SYNE1: variants seen among roughly 807,000 people sequenced by gnomAD.
SYNE1 encodes the protein nesprin-1.
SYNE1 carries 616 observed loss-of-function variants against 1,111.0 expected under a neutral mutation model. The ratio of observed to expected loss-of-function variants is 0.55; its 90% confidence interval spans 0.52 to 0.59. The LOEUF (loss-of-function observed/expected upper bound fraction) is 0.59, where lower values mean the gene tolerates loss of function less well. Ranked by LOEUF, SYNE1 falls within the 20% of genes least tolerant of loss-of-function variation. The pLI is 0.00. For synonymous variants in SYNE1, 3,855 were observed against 3,825.8 expected, an observed-to-expected ratio of 1.01 and a Z score of -0.28; for missense variants, 10,006 against 10,417.0, an observed-to-expected ratio of 0.96 and a Z score of 1.72.
At position 152,284,027 on chromosome 6, in the gene SYNE1, C is replaced by T. The variant is rs796135915; in HGVS notation, c.18158G>A (p.Arg6053Gln). The T allele has an allele frequency of 6.2e-6, 10 of 1,614,218 alleles. No individual in the cohort carries two copies. In the East Asian group the frequency reaches 6.7e-5, roughly 11 times the overall value. The change falls in exon 96 of 146, where the codon CGA (arginine) becomes CAA (glutamine). Residue 6053 changes from arginine to glutamine, a missense_variant. This residue lies in a region of SYNE1 where 99 missense variants were observed against 147.8 expected (regional missense o/e 0.67). Transcript: ENST00000367255. ...GGCTTTCATCCTGATGGTGGACATT[C>T]GCTCGGCTAAGACAGTGAGCGTGGA... is the stretch of plus-strand genomic sequence containing the variant. Reference protein sequence around the residue: ...LQSTLTVLAERMSTIRMKASG... With the variant: ...LQSTLTVLAEQMSTIRMKASG...
intron 55 of SYNE1, among the ~76,000 whole-genome samples, chr6:152,382,723 T>C (rs1335470511): frequency 6.6e-6 from 1 of 152,200 alleles, no homozygotes; most frequent in Admixed American, 6.5e-5. Flanking sequence ...CTTGTAATTA[T>C]TTTGCCTTTG....
chr6:152,584,251 G>GGAGA (rs373173920), intron 3 of SYNE1, among the ~76,000 whole-genome samples: 168 of 150,464 alleles, frequency 1.1e-3, no homozygotes, highest in African/African-American at 3.9e-3. Flanking sequence ...CAATAAATAT[G>GGAGA]GAGAGAGAGA....
At chr6:152,619,421 G>A (rs945346319) in intron 3 of SYNE1, among the ~76,000 whole-genome samples, 2 of 152,132 alleles carry the variant, frequency 1.3e-5, no homozygotes, top group African/African-American at 4.8e-5. Flanking sequence ...TACTTTTGGG[G>A]AGGGTTCCAT....
intron 58 of SYNE1, among the ~76,000 whole-genome samples, chr6:152,375,324 T>G (rs2097261116): frequency 1.3e-5 from 2 of 152,152 alleles, no homozygotes; most frequent in South Asian, 4.1e-4. Context: ...TTTAAAAAGG[T>G]GAACTACATA....
intron 49 of SYNE1, 112 bp downstream of exon 49, chr6:152,398,507 G>A (rs1056996039): frequency 2.3e-6 from 2 of 857,134 alleles, no homozygotes; most frequent in African/African-American, 3.3e-5. Flanking sequence ...TTCTGTTAGG[G>A]ACGAGGAAAA....
At chr6:152,213,463 C>T (rs2077931199) in intron 123 of SYNE1, 149 bp downstream of exon 123, 1 of 897,736 alleles carries the variant, frequency 1.1e-6, no homozygotes, top group African/African-American at 1.7e-5. Context: ...GTTATCAAAA[C>T]CTCAAGCTTA....
At chr6:152,338,618 A>G (rs2096460385) in intron 75 of SYNE1, among the ~76,000 whole-genome samples, 1 of 152,188 alleles carries the variant, frequency 6.6e-6, no homozygotes, top group Admixed American at 6.6e-5. Flanking sequence ...GTCTCAAAAT[A>G]AAGAAACAAA....
chr6:152,409,311 C>G, intron 43 of SYNE1, 85 bp from the exon 44 acceptor site: 5 of 1,371,624 alleles, frequency 3.6e-6, no homozygotes, highest in East Asian at 2.3e-5. Flanking sequence ...AAATTTAATT[C>G]ATAATTGACC....
At chr6:152,607,530 G>C (rs770759707) in intron 3 of SYNE1, among the ~76,000 whole-genome samples, 1 of 152,034 alleles carries the variant, frequency 6.6e-6, no homozygotes, top group South Asian at 2.1e-4. Flanking sequence ...TTGTTAAAAA[G>C]TCAAGAAACA....
In SYNE1 at chr6:152,133,435, G is replaced by A; in HGVS notation, c.25842C>T (p.Asp8614=). 6.2e-7 allele frequency: 1 copy of A among 1,614,168 alleles called. No homozygotes were observed. The highest frequency in any genetic ancestry group is 8.5e-7 in the Non-Finnish European group (1 of 1,180,032). ...ESQLRVASLQ[D]MSCQLLVNAE... Reference sequence around the variant, plus strand: ...CATTCACCAGTAGTTGGCAAGACATGTCTTGCAAAGAGGCTACTCTGAGTT... The same window carrying A: ...CATTCACCAGTAGTTGGCAAGACATATCTTGCAAAGAGGCTACTCTGAGTT... The change falls in exon 143 of 146, where the codon GAC becomes GAT. Residue 8614 remains aspartate (D), a synonymous_variant. Coordinates refer to ENST00000367255, the MANE Select transcript of SYNE1 (RefSeq NM_182961.4).
At chr6:152,496,924 C>A (rs1375777266) in intron 11 of SYNE1, among the ~76,000 whole-genome samples, 1 of 152,114 alleles carries the variant, frequency 6.6e-6, no homozygotes, top group African/African-American at 2.4e-5. Context: ...AATTCTTTCT[C>A]CTGGACAATG....
chr6:152,520,979 CA>C (rs1197391376), intron 5 of SYNE1, among the ~76,000 whole-genome samples: 1 of 152,064 alleles, frequency 6.6e-6, no homozygotes, highest in African/African-American at 2.4e-5. Flanking sequence ...AGCCATATCC[CA>C]AAATATGACC....
chr6:152,595,729 G>C (rs2099579232), intron 3 of SYNE1, among the ~76,000 whole-genome samples: 1 of 152,076 alleles, frequency 6.6e-6, no homozygotes, highest in Admixed American at 6.6e-5. Flanking sequence ...GCCCCTAGTG[G>C]GAACTCTGGA....
Position 152,505,204 on chromosome 6 carries a change from C to T in SYNE1, c.775G>A (p.Glu259Lys). 6.2e-7 allele frequency: 1 copy of T among 1,614,022 alleles called. No individual in the cohort carries two copies. Among genetic ancestry groups the T allele is most frequent in the Admixed American group, 1.7e-5 (1 of 59,992 alleles). Residue 259 changes from glutamate to lysine, a missense_variant, in exon 9 of 146, where the codon GAA becomes AAA. Physicochemically the swap from Glu to Lys is moderately conservative, Grantham distance 56 (BLOSUM62 1). This residue lies in a region of SYNE1 where 1,971 missense variants were observed against 2,084.1 expected (regional missense o/e 0.95). Transcript: ENST00000367255. ...ELGIPRLLDP[E>K]DVDVDKPDEK... ...AGTCAATGAATATTCAGCCTACCTT[C>T]AGGATCTAGCAGTCTTGGGATCCCC... is the stretch of plus-strand genomic sequence containing the variant.
In SYNE1 at chr6:152,444,401, G is replaced by C; in HGVS notation, c.3837+10C>G. ...TACATAATCTTGTTGGAAGAAAGAGGCATTTTTACCTGGTGATGAAGAAGT... is the reference window on the plus strand; with the variant it reads ...TACATAATCTTGTTGGAAGAAAGAGCCATTTTTACCTGGTGATGAAGAAGT... On this transcript the variant is annotated intron_variant, in intron 30 of 145. Coordinates refer to ENST00000367255, the MANE Select transcript of SYNE1 (RefSeq NM_182961.4). 6.2e-7 allele frequency: 1 copy of C among 1,613,166 alleles called. No individual in the cohort carries two copies. Among genetic ancestry groups the C allele is most frequent in the Non-Finnish European group, 8.5e-7 (1 of 1,179,612 alleles).
In SYNE1 at chr6:152,284,102, A is replaced by G. The variant is rs1314129805; in HGVS notation, c.18083T>C (p.Leu6028Pro). 13 of 1,614,150 alleles carry G rather than the reference A, an allele frequency of 8.1e-6. No homozygotes were observed. Among genetic ancestry groups the G allele is most frequent in the Non-Finnish European group, 1.1e-5 (13 of 1,179,996 alleles). Residue 6028 changes from leucine (L) to proline (P), a missense_variant, in exon 96 of 146, where the codon CTG becomes CCG. Coordinates refer to ENST00000367255, the MANE Select transcript of SYNE1 (RefSeq NM_182961.4). ...NELQSSLAEE[L>P]VSESCEADPA... Reference sequence around the variant, plus strand: ...GTCGGCCTCACAAGACTCGGATACCAGCTCCTCTGCGAGAGAGGACTGGAG... The same window carrying G: ...GTCGGCCTCACAAGACTCGGATACCGGCTCCTCTGCGAGAGAGGACTGGAG...
At chr6:152,583,056 T>G (rs1166096996) in intron 3 of SYNE1, among the ~76,000 whole-genome samples, 1 of 152,230 alleles carries the variant, frequency 6.6e-6, no homozygotes, top group Admixed American at 6.5e-5. Context: ...GTTATAAATC[T>G]TATACATTTT....
At chr6:152,456,754 G>A (rs1234469724) in intron 22 of SYNE1, 3 of 448,878 alleles carry the variant, frequency 6.7e-6, no homozygotes, top group Non-Finnish European at 1.3e-5. Flanking sequence ...ACAAGGCAGA[G>A]GGTCATTTTT....
intron 5 of SYNE1, among the ~76,000 whole-genome samples, chr6:152,523,393 A>C (rs538069267): frequency 6.6e-6 from 1 of 152,216 alleles, no homozygotes; most frequent in South Asian, 2.1e-4. Flanking sequence ...TGAGTTCTCT[A>C]TTCTGTTCCA....
Sources: allele counts gnomAD v4.1 joint callset (sites outside exome capture counted in the v4.1 genomes callset), GRCh38; gene constraint gnomAD v4.1.1; regional missense constraint gnomAD v4.1.1; transcripts MANE v1.5; gene names NCBI Gene and HGNC (gene_info 2026-07-23, HGNC 2026-07-21).